Variants in CAMK1D observed in about 807,000 individuals in gnomAD.
The protein encoded by CAMK1D is calcium/calmodulin dependent protein kinase ID, also known as calcium/calmodulin-dependent protein kinase type 1D.
CAMK1D carries 9 observed loss-of-function variants against 47.7 expected under a neutral mutation model. The ratio of observed to expected loss-of-function variants is 0.19; its 90% CI spans 0.11 to 0.33. The LOEUF is 0.33. CAMK1D is among the 10% of genes least tolerant of loss of function. The pLI, the probability that CAMK1D is intolerant of heterozygous loss-of-function variation, is 1.00. For synonymous variants in CAMK1D, 184 were observed against 184.9 expected (o/e 0.99, Z 0.04); for missense variants, 291 against 488.7 (o/e 0.60, Z 3.81).
At chr10:12,705,385 C>T (rs116919400) in intron 3 of CAMK1D, among the ~76,000 whole-genome samples, 3,786 of 151,916 alleles carry the variant, frequency 0.025, 65 homozygotes, top group South Asian at 0.046. Context: ...CACTTGAACC[C>T]GGGGGTCAGA....
intron 1 of CAMK1D, among the ~76,000 whole-genome samples, chr10:12,482,668 T>A (rs934269586): frequency 3.9e-5 from 6 of 152,212 alleles, no homozygotes; most frequent in African/African-American, 1.4e-4. Context: ...TTTGCATTGA[T>A]ACCTACTGGG....
chr10:12,490,144 G>C (rs1267204558), intron 1 of CAMK1D, among the ~76,000 whole-genome samples: 1 of 152,202 alleles, frequency 6.6e-6, no homozygotes, highest in Non-Finnish European at 1.5e-5. Flanking sequence ...CTCTGAGTGA[G>C]AGCAACTCGC....
In CAMK1D at chr10:12,771,792, G is replaced by A. The variant is rs187131249; in HGVS notation, c.565+1993G>A. ...CTCACGCCTGTAATCCCAGCACTTT[G>A]AGAGGCCAAGGTGGTTGGGTCAGTT... On this transcript the variant is annotated intron_variant, in intron 5 of 10. Transcript: ENST00000619168. Among the ~76,000 whole-genome samples, 269 of 152,324 alleles carry A rather than the reference G, an allele frequency of 1.8e-3. 1 individual carries two copies. The highest frequency in any genetic ancestry group is 6.0e-3 in the African/African-American group (251 of 41,568).
At chr10:12,685,188 C>G (rs919290593) in intron 3 of CAMK1D, among the ~76,000 whole-genome samples, 1 of 152,208 alleles carries the variant, frequency 6.6e-6, no homozygotes, top group African/African-American at 2.4e-5. Flanking sequence ...GTAGTCCCAG[C>G]TACTCGGGAG....
chr10:12,492,245 G>A (rs1015468146), intron 1 of CAMK1D, among the ~76,000 whole-genome samples: 7 of 151,622 alleles, frequency 4.6e-5, no homozygotes, highest in Non-Finnish European at 8.8e-5. Flanking sequence ...TTGTGGCAGA[G>A]CCTGAGCCGC....
intron 3 of CAMK1D, among the ~76,000 whole-genome samples, chr10:12,745,913 T>C (rs1298531139): frequency 6.6e-6 from 1 of 152,312 alleles, no homozygotes. Context: ...TGACGAAATC[T>C]GACAACTTTC....
intron 6 of CAMK1D, among the ~76,000 whole-genome samples, chr10:12,799,390 A>T (rs1275969218): frequency 1.3e-5 from 2 of 152,044 alleles, no homozygotes; most frequent in African/African-American, 4.8e-5. Flanking sequence ...CTGCTTACCC[A>T]TCCAAACTAG....
In CAMK1D at chr10:12,523,225, T is replaced by G. The variant is rs1019987638; in HGVS notation, c.93-30000T>G. The stretch of plus-strand genomic sequence containing the variant: ...GAGGTGCTCCCCACATTTCAGATGA[T>G]GGGCGGCCGGGAAGAGGCGCTCCTC... On this transcript the variant is annotated intron_variant, in intron 1 of 10. Transcript: ENST00000619168. 1.9e-4 allele frequency among the ~76,000 whole-genome samples: 27 copies of G among 140,238 alleles called. 1 individual carries two copies. In the South Asian group the frequency reaches 5.3e-3, roughly 27 times the overall value. 92.0% of individuals were successfully genotyped at this position (140,238 alleles called of 152,430 possible).
At chr10:12,412,901 A>G (rs934857192) in intron 1 of CAMK1D, among the ~76,000 whole-genome samples, 2 of 152,090 alleles carry the variant, frequency 1.3e-5, no homozygotes, top group African/African-American at 4.8e-5. Flanking sequence ...GAAAGGGTTC[A>G]TGAACGCATC....
chr10:12,777,363 CTTTTTTT>C (rs869192068), intron 5 of CAMK1D, among the ~76,000 whole-genome samples: 44 of 88,556 alleles, frequency 5.0e-4, no homozygotes, highest in South Asian at 4.4e-4. Context: ...TTTGGTTGAA[CTTTTTTT>C]TTTTTTTTTT....
At chr10:12,404,023 G>A (rs1839323856) in intron 1 of CAMK1D, among the ~76,000 whole-genome samples, 1 of 150,826 alleles carries the variant, frequency 6.6e-6, no homozygotes, top group Admixed American at 6.6e-5. Flanking sequence ...ACAAAAATGG[G>A]CATGTAGTTT....
At chr10:12,448,874 G>A (rs966919532) in intron 1 of CAMK1D, among the ~76,000 whole-genome samples, 1 of 152,148 alleles carries the variant, frequency 6.6e-6, no homozygotes, top group Admixed American at 6.5e-5. Flanking sequence ...GCTGACTGTC[G>A]TGTAGGGCTC....
chr10:12,439,103 G>A (rs942553542), intron 1 of CAMK1D, among the ~76,000 whole-genome samples: 13 of 152,148 alleles, frequency 8.5e-5, no homozygotes, highest in African/African-American at 3.1e-4. Context: ...AGGCACTATC[G>A]TCTGTGTCTA....
chr10:12,407,461 C>T (rs755128507), intron 1 of CAMK1D, among the ~76,000 whole-genome samples: 2 of 152,246 alleles, frequency 1.3e-5, no homozygotes, highest in Non-Finnish European at 2.9e-5. Flanking sequence ...CCTTCTCCCC[C>T]ATCCCTGTCT....
Position 12,497,091 on chromosome 10 carries a change from C to T in CAMK1D, c.93-56134C>T, listed in dbSNP as rs1033351755. On this transcript the variant is annotated intron_variant, in intron 1 of 10. Transcript: ENST00000619168. Reference sequence around the variant, plus strand: ...ATCTTGCTCCTTTTTATGGCTTCATCGTATTCCATGGTGTATATGTACCAC... The same window carrying T: ...ATCTTGCTCCTTTTTATGGCTTCATTGTATTCCATGGTGTATATGTACCAC... 5.3e-5 allele frequency among the ~76,000 whole-genome samples: 8 copies of T among 152,154 alleles called. No individual in the cohort carries two copies. The South Asian group carries it at 8.3e-4, about 16-fold the overall frequency.
chr10:12,453,349 C>T (rs1410175767), intron 1 of CAMK1D, among the ~76,000 whole-genome samples: 2 of 152,010 alleles, frequency 1.3e-5, no homozygotes, highest in African/African-American at 4.8e-5. Context: ...GCCACCACGC[C>T]CGGCTAATTG....
chr10:12,657,238 A>G (rs1458045481), intron 2 of CAMK1D, among the ~76,000 whole-genome samples: 1 of 152,116 alleles, frequency 6.6e-6, no homozygotes, highest in Non-Finnish European at 1.5e-5. Flanking sequence ...CATCCTGGCC[A>G]ACATGGTGAA....
intron 1 of CAMK1D, among the ~76,000 whole-genome samples, chr10:12,369,486 G>A (rs1407999741): frequency 1.3e-5 from 2 of 152,138 alleles, no homozygotes; most frequent in Non-Finnish European, 2.9e-5. Flanking sequence ...GCTGAAAAGA[G>A]GGTCATCTCA....
At chr10:12,563,357 A>G (rs1564414126) in intron 2 of CAMK1D, among the ~76,000 whole-genome samples, 1 of 152,140 alleles carries the variant, frequency 6.6e-6, no homozygotes, top group Non-Finnish European at 1.5e-5. Context: ...CTGTCTCTAA[A>G]AAAAAAGGGA....
Sources: gnomAD v4.1 joint callset for allele counts (sites outside exome capture counted in the v4.1 genomes callset) on GRCh38, gnomAD v4.1.1 for gene constraint, MANE v1.5 for transcripts, NCBI Gene and HGNC (gene_info 2026-07-23, HGNC 2026-07-21) for gene names.